Variants in FCER2 observed in about 807,000 individuals in gnomAD.
The protein encoded by FCER2 is Fc epsilon receptor II.
In FCER2, 38 loss-of-function variants were observed where a neutral mutation model predicts 49.7. The observed-to-expected ratio is 0.76, with a 90% CI of 0.59 to 1.00. The LOEUF (loss-of-function observed/expected upper bound fraction) is 1.00. FCER2 is among the 50% of genes least tolerant of loss of function. FCER2 has a pLI of 0.00. For synonymous variants in FCER2, 163 were observed against 164.6 expected, an observed-to-expected ratio of 0.99 and a Z score of 0.07; for missense variants, 425 against 419.5, an observed-to-expected ratio of 1.01 and a Z score of -0.11.
At position 7,689,286 on chromosome 19, in the gene FCER2, T is replaced by C; in HGVS notation, c.873A>G (p.Pro291=). ...TGGACTCCGCGGAACCTTCGCTGGC[T>C]GGCGGCGTGCATGTGGCCAGCCGGT... ...VCDRLATCTP[P]ASEGSAESMG... Residue 291 remains proline (P), a synonymous_variant, in exon 11 of 11, where the codon CCA becomes CCG. Transcript: ENST00000597921. 1 of 1,613,494 alleles carries C rather than the reference T, an allele frequency of 6.2e-7. No homozygotes were observed. The highest frequency in any genetic ancestry group is 1.1e-5 in the South Asian group (1 of 91,048).
In FCER2 at chr19:7,697,265, C is replaced by A. The variant is rs767687089; in HGVS notation, c.287G>T (p.Arg96Leu). 5 of 1,614,064 alleles carry A rather than the reference C, an allele frequency of 3.1e-6. No individual in the cohort carries two copies. The African/African-American group carries it at 6.7e-5, about 22-fold the overall frequency. ...TQISQELEEL[R>L]AEQQRLKSQD... ...AGATTTCAATCTCTGCTGTTCAGCTCGAAGTTCCTCCAGTTCCTGTGAAAT... is the reference window on the plus strand; with the variant it reads ...AGATTTCAATCTCTGCTGTTCAGCTAGAAGTTCCTCCAGTTCCTGTGAAAT... The change falls in exon 6 of 11, where the codon CGA (arginine) becomes CTA (leucine). Residue 96 changes from arginine (R) to leucine (L), a missense_variant. Coordinates refer to ENST00000597921, the MANE Select transcript of FCER2 (RefSeq NM_001220500.2).
At chr19:7,699,087 C>A (rs1348111640) in intron 2 of FCER2, among the ~76,000 whole-genome samples, 3 of 152,002 alleles carry the variant, frequency 2.0e-5, no homozygotes, top group Non-Finnish European at 4.4e-5. Flanking sequence ...ACTCCCTCAG[C>A]CCCAACAACC....
At chr19:7,698,017 C>A (rs994589327) in intron 4 of FCER2, among the ~76,000 whole-genome samples, 1 of 152,156 alleles carries the variant, frequency 6.6e-6, no homozygotes, top group Non-Finnish European at 1.5e-5. Context: ...GGTCTGAAAC[C>A]AATATGCGTT....
At chr19:7,689,539 A>T in intron 10 of FCER2, 109 bp from the exon 11 acceptor site, 1 of 671,962 alleles carries the variant, frequency 1.5e-6, no homozygotes, top group South Asian at 1.9e-5. Flanking sequence ...CCCCATCCTG[A>T]GTCTGTGCCT....
chr19:7,696,393 G>A (rs149056773), intron 8 of FCER2, among the ~76,000 whole-genome samples: 1,546 of 151,842 alleles, frequency 0.01, 24 homozygotes, highest in African/African-American at 0.035. Context: ...GAGCCACCGC[G>A]TCCAGCTAAT....
chr19:7,693,083 G>T (rs934865224), intron 8 of FCER2, among the ~76,000 whole-genome samples: 10 of 151,922 alleles, frequency 6.6e-5, no homozygotes, highest in Non-Finnish European at 1.3e-4. Flanking sequence ...CCACACCACA[G>T]CCAACACCAT....
At chr19:7,696,966 C>T (rs2033031380) in intron 7 of FCER2, 47 bp downstream of exon 7, 2 of 1,559,110 alleles carry the variant, frequency 1.3e-6, no homozygotes, top group African/African-American at 2.7e-5. Flanking sequence ...CAGGCCCCCT[C>T]CTTGTCCGTT....
In FCER2 at chr19:7,696,931, G is replaced by A. The variant is rs541333255; in HGVS notation, c.380-17C>T. 2.6e-5 allele frequency: 41 copies of A among 1,569,268 alleles called. No individual in the cohort carries two copies. Among genetic ancestry groups the A allele is most frequent in the Admixed American group, 1.7e-4 (9 of 52,874 alleles). The stretch of plus-strand genomic sequence containing the variant: ...CGTTCAATTCTTGGGGAGTCAACAA[G>A]GGGCGGTGCTCAGAGACCAACTGGC... On this transcript the variant is annotated splice_polypyrimidine_tract_variant and intron_variant, in intron 7 of 10. Transcript: ENST00000597921.
rs1050267802 is a variant in FCER2 at position 7,689,064 on chromosome 19, C to T, written c.*129G>A. ...TGGGAAGGCAGGGGCCATAGAGGAG[C>T]GGGAGATGTGTCAGCTGCCTCCGTT... is the stretch of plus-strand genomic sequence containing the variant. On this transcript the variant is annotated 3_prime_UTR_variant, in exon 11 of 11. Transcript: ENST00000597921. 45 of 664,130 alleles carry T rather than the reference C, an allele frequency of 6.8e-5. No individual in the cohort carries two copies. The highest frequency in any genetic ancestry group is 1.1e-4 in the Non-Finnish European group (40 of 377,948). 41.1% of individuals were successfully genotyped at this position (664,130 alleles called of 1,614,324 possible).
In FCER2 at chr19:7,689,172, T is replaced by G; in HGVS notation, c.*21A>C. On this transcript the variant is annotated 3_prime_UTR_variant, in exon 11 of 11. Coordinates refer to ENST00000597921, the MANE Select transcript of FCER2 (RefSeq NM_001220500.2). ...GTTGGGGGTCTTCAGGGTCTTGCTC[T>G]GGGCCTGGCTGTATCCATGCTCAAG... 1.3e-6 allele frequency: 2 copies of G among 1,542,728 alleles called. No homozygotes were observed. Among genetic ancestry groups the G allele is most frequent in the Non-Finnish European group, 1.8e-6 (2 of 1,117,044 alleles).
Position 7,690,124 on chromosome 19 carries a change from TCTCCTCCCCTGGATCCCAGAGGCCCC to T in FCER2, c.728+9_728+34del. On this transcript the variant is annotated intron_variant, in intron 10 of 10. Coordinates refer to ENST00000597921, the MANE Select transcript of FCER2 (RefSeq NM_001220500.2). ...AGCTCCTCCCTCCACGGTATTTCCATCTCCTCCCCTGGATCCCAGAGGCCCCCTCCTCACCTGTAGTCCACGTGGCT... is the reference window on the plus strand; with the variant it reads ...AGCTCCTCCCTCCACGGTATTTCCATCTCCTCACCTGTAGTCCACGTGGCT... 1 of 1,335,836 alleles carries T rather than the reference TCTCCTCCCCTGGATCCCAGAGGCCCC, an allele frequency of 7.5e-7. No individual in the cohort carries two copies. The highest frequency in any genetic ancestry group is 1.1e-6 in the Non-Finnish European group (1 of 928,914). The allele number at this position is 1,335,836 out of a possible 1,614,324, so 82.7% of individuals were successfully genotyped here.
In FCER2 at chr19:7,699,933, G is replaced by C. The variant is rs113187513; in HGVS notation, c.-85-88C>G. ...GCATCTGGGACTTGGTGGCACTCAG[G>C]GGCCATTTGCTGATTTTGTTTAGTC... On this transcript the variant is annotated intron_variant, in intron 1 of 10. Transcript: ENST00000597921. 6.9e-3 allele frequency: 4,528 copies of C among 660,252 alleles called. 170 individuals carry two copies. In the African/African-American group the frequency reaches 0.07, roughly 10 times the overall value. The allele number at this position is 660,252 out of a possible 1,614,324, so 40.9% of individuals were successfully genotyped here.
intron 10 of FCER2, among the ~76,000 whole-genome samples, chr19:7,689,826 C>T (rs1053996150): frequency 1.3e-5 from 2 of 152,028 alleles, no homozygotes; most frequent in South Asian, 2.1e-4. Context: ...GCCATGTTGA[C>T]CAGGATGGTC....
chr19:7,701,957 C>G (rs1298214892), intron 1 of FCER2, 58 bp downstream of exon 1: 1 of 141,320 alleles, frequency 7.1e-6, no homozygotes, highest in African/African-American at 2.6e-5. Context: ...GTCGTTTCTT[C>G]CAAGGGCGCT....
At position 7,697,284 on chromosome 19, in the gene FCER2, G is replaced by A. The variant is rs1336098986; in HGVS notation, c.268C>T (p.Gln90Ter). 3.7e-6 allele frequency: 6 copies of A among 1,614,038 alleles called. No homozygotes were observed. The highest frequency in any genetic ancestry group is 5.1e-6 in the Non-Finnish European group (6 of 1,180,016). The change falls in exon 6 of 11, where the codon CAG becomes TAG. Residue 90 changes from glutamine to a stop codon, truncating the protein, a stop_gained. Coordinates refer to ENST00000597921, the MANE Select transcript of FCER2 (RefSeq NM_001220500.2). LOFTEE classifies it high-confidence loss of function. ...TCAGCTCGAAGTTCCTCCAGTTCCT[G>A]TGAAATCTGCGTGGCTGTTTGCAGG... is the stretch of plus-strand genomic sequence containing the variant. ...AQKSQSTQIS[Q>*]ELEELRAEQQ...
chr19:7,700,623 T>G (rs1316489710), intron 1 of FCER2, among the ~76,000 whole-genome samples: 1 of 151,792 alleles, frequency 6.6e-6, no homozygotes, highest in Admixed American at 6.6e-5. Flanking sequence ...CAAGCGATTC[T>G]CCCGCCTCAG....
rs2146266681 is a variant in FCER2, at chr19:7,690,413, T to A, written c.614A>T (p.Glu205Val). The A allele has an allele frequency of 6.2e-7, 1 of 1,613,768 alleles. No individual in the cohort carries two copies. Among genetic ancestry groups the A allele is most frequent in the South Asian group, 1.1e-5 (1 of 91,070 alleles). ...TGCAGAGCCCCAGCCCACCTGCTCCTCCGGGCTGTGGATGCTGACCAGCTG... is the reference window on the plus strand; with the variant it reads ...TGCAGAGCCCCAGCCCACCTGCTCCACCGGGCTGTGGATGCTGACCAGCTG... The part of the protein sequence containing the change: ...EGQLVSIHSP[E>V]EQDFLTKHAS... The change falls in exon 9 of 11, where the codon GAG becomes GTG. Residue 205 changes from glutamate to valine, a missense_variant. Physicochemically the swap from Glu to Val is moderately radical, Grantham distance 121 (BLOSUM62 -2). Coordinates refer to ENST00000597921, the MANE Select transcript of FCER2 (RefSeq NM_001220500.2).
Position 7,697,407 on chromosome 19 carries a change from A to G in FCER2, c.254-109T>C, listed in dbSNP as rs113240986. On this transcript the variant is annotated intron_variant, in intron 5 of 10. Transcript: ENST00000597921. The stretch of plus-strand genomic sequence containing the variant: ...CCTGGGTTCTTGGAACCACCTGCTC[A>G]GTTTGCAGTTCCCGGGTGTCGGGGG... 31 of 1,471,266 alleles carry G rather than the reference A, an allele frequency of 2.1e-5. 1 individual carries two copies. Among genetic ancestry groups the G allele is most frequent in the African/African-American group, 1.4e-4 (10 of 72,036 alleles). 91.1% of individuals were successfully genotyped at this position (1,471,266 alleles called of 1,614,324 possible). A position where few individuals can be genotyped will look rare whatever the true frequency, so the allele number is the denominator to read the frequency against.
rs781527006 is a variant in FCER2 at position 7,696,828 on chromosome 19, T to G, written c.466A>C (p.Ser156Arg). 5.1e-6 allele frequency: 8 copies of G among 1,572,968 alleles called. No individual in the cohort carries two copies. Among genetic ancestry groups the G allele is most frequent in the Non-Finnish European group, 6.9e-6 (8 of 1,157,822 alleles). ...GAGCAGAGACTCACACACTCACCGC[T>G]GGACACCTGCAACTCCATCCTTAGC... ...TKLRMELQVSSGFVCNTCPEK... is the reference protein window; with the variant it reads ...TKLRMELQVSRGFVCNTCPEK... Residue 156 changes from serine (S) to arginine (R), a missense_variant, in exon 8 of 11, where the codon AGC (serine) becomes CGC (arginine). Coordinates refer to ENST00000597921, the MANE Select transcript of FCER2 (RefSeq NM_001220500.2).
Sources: allele counts gnomAD v4.1 joint callset (sites outside exome capture counted in the v4.1 genomes callset), GRCh38; gene constraint gnomAD v4.1.1; transcripts MANE v1.5; gene names NCBI Gene and HGNC (gene_info 2026-07-23, HGNC 2026-07-21).